ING4: variants seen among roughly 807,000 people sequenced by gnomAD.
ING4 encodes the protein inhibitor of growth protein 4.
Under a neutral mutation model 33.1 loss-of-function variants are expected in ING4, and 28 were observed. The observed-to-expected ratio is 0.85, with a 90% CI of 0.63 to 1.16. ING4 has a LOEUF of 1.16. ING4 is among the 50% of genes most tolerant of loss of function. The pLI is 0.00. For synonymous variants in ING4, 87 were observed against 104.4 expected (o/e 0.83, Z 1.02); for missense variants, 247 against 314.7 (o/e 0.78, Z 1.63).
At chr12:6,658,868 T>C (rs1592330034) in intron 1 of ING4, among the ~76,000 whole-genome samples, 1 of 152,232 alleles carries the variant, frequency 6.6e-6, no homozygotes, top group East Asian at 1.9e-4. Flanking sequence ...GCTTTGCCCA[T>C]ACTGGCCTCC....
At chr12:6,651,919 C>T (rs2136261575) in intron 6 of ING4, among the ~76,000 whole-genome samples, 1 of 142,804 alleles carries the variant, frequency 7.0e-6, no homozygotes, top group African/African-American at 2.6e-5. Flanking sequence ...GTGGCGTGAT[C>T]TCAGCTCACT....
At chr12:6,662,526 T>C (rs78166458) in intron 1 of ING4, among the ~76,000 whole-genome samples, 4 of 152,224 alleles carry the variant, frequency 2.6e-5, no homozygotes, top group Admixed American at 2.6e-4. Flanking sequence ...ATAGGCTTTC[T>C]GCAGGGGTGG....
chr12:6,652,246 C>G (rs375300631), intron 6 of ING4, 25 bp downstream of exon 6: 2 of 1,609,554 alleles, frequency 1.2e-6, no homozygotes, highest in South Asian at 2.2e-5. Context: ...CACAACCCCC[C>G]ATCCTAAGGC....
intron 2 of ING4, chr12:6,655,821 A>C (rs1431757828): frequency 4.4e-6 from 2 of 456,924 alleles, no homozygotes; most frequent in African/African-American, 4.0e-5. Context: ...GTATGGGAAT[A>C]GCTCCAACAG....
chr12:6,651,774 T>C (rs1949187346), intron 6 of ING4, among the ~76,000 whole-genome samples: 1 of 151,494 alleles, frequency 6.6e-6, no homozygotes, highest in Non-Finnish European at 1.5e-5. Flanking sequence ...ACTCCTGATC[T>C]CAAGTGATCT....
chr12:6,653,671 A>G (rs937102002), intron 2 of ING4, among the ~76,000 whole-genome samples: 1 of 152,168 alleles, frequency 6.6e-6, no homozygotes, highest in African/African-American at 2.4e-5. Context: ...CACCACATTA[A>G]TATGAAGTGT....
chr12:6,651,889 G>A (rs1301433289), intron 6 of ING4, among the ~76,000 whole-genome samples: 5 of 116,880 alleles, frequency 4.3e-5, no homozygotes, highest in East Asian at 2.5e-4. Context: ...TCTTGCTCTT[G>A]TCGCCCAGGT....
At chr12:6,653,855 C>A (rs1949263549) in intron 2 of ING4, among the ~76,000 whole-genome samples, 2 of 152,066 alleles carry the variant, frequency 1.3e-5, no homozygotes, top group Non-Finnish European at 1.5e-5. Context: ...TCATACATTT[C>A]AAAATTATTA....
chr12:6,655,700 G>T, intron 2 of ING4: 1 of 742,166 alleles, frequency 1.3e-6, no homozygotes, highest in Non-Finnish European at 1.9e-6. Context: ...ACCTTTTCAT[G>T]TGTAAACTCA....
At chr12:6,651,285 A>C (rs190241985) in intron 7 of ING4, 39 bp downstream of exon 7, 2 of 1,613,564 alleles carry the variant, frequency 1.2e-6, no homozygotes, top group Admixed American at 3.3e-5. Flanking sequence ...AATGCCCTTG[A>C]CCACTCAACT....
rs767207980 is a variant in ING4 at position 6,663,096 on chromosome 12, A to C, written c.6T>G (p.Ala2=). The change falls in exon 1 of 8, where the codon GCT becomes GCG. Residue 2 remains alanine (A), a synonymous_variant. Transcript: ENST00000341550. M[A]AGMYLEHYLD... ...GATAATGTTCCAAATACATCCCCGCAGCCATCTCGAAGCAAAACAAAGCAA... is the reference window on the plus strand; with the variant it reads ...GATAATGTTCCAAATACATCCCCGCCGCCATCTCGAAGCAAAACAAAGCAA... 1.9e-6 allele frequency: 3 copies of C among 1,614,142 alleles called. No homozygotes were observed. The highest frequency in any genetic ancestry group is 1.1e-5 in the South Asian group (1 of 91,076).
At chr12:6,658,359 C>T (rs1294449351) in intron 1 of ING4, among the ~76,000 whole-genome samples, 1 of 152,146 alleles carries the variant, frequency 6.6e-6, no homozygotes, top group East Asian at 1.9e-4. Flanking sequence ...TTCCAATCTA[C>T]TTCCATATAG....
chr12:6,658,796 G>A (rs527425427), intron 1 of ING4, among the ~76,000 whole-genome samples: 2 of 152,282 alleles, frequency 1.3e-5, no homozygotes, highest in South Asian at 4.1e-4. Flanking sequence ...GATGTTCTGC[G>A]CTTTCTGGCC....
intron 2 of ING4, among the ~76,000 whole-genome samples, chr12:6,654,297 C>T (rs1241321141): frequency 6.6e-6 from 1 of 151,606 alleles, no homozygotes; most frequent in African/African-American, 2.4e-5. Flanking sequence ...ATCCATGTAA[C>T]AATTCTGCTT....
chr12:6,663,032 CAG>C (rs1565408937), intron 1 of ING4, 31 bp downstream of exon 1: 1 of 1,610,218 alleles, frequency 6.2e-7, no homozygotes, highest in South Asian at 1.1e-5. Flanking sequence ...CACCACTCTG[CAG>C]CCCCGACCCC....
chr12:6,652,316 A>T lies in ING4; in HGVS notation c.600T>A (p.Cys200Ter). Residue 200 changes from cysteine (C) to a stop codon, truncating the protein, a stop_gained, in exon 6 of 8, where the codon TGT (cysteine) becomes TGA (stop). Coordinates refer to ENST00000341550, the MANE Select transcript of ING4 (RefSeq NM_016162.4). LOFTEE classifies it high-confidence loss of function. Reference sequence around the variant, plus strand: ...TCATCTCTCCATAGGAGACCTGGTGACAAAGGCAATAGGTGGGTTCGTTGG... The same window carrying T: ...TCATCTCTCCATAGGAGACCTGGTGTCAAAGGCAATAGGTGGGTTCGTTGG... ...VDPNEPTYCLCHQVSYGEMIG... is the reference protein window; with the variant it reads ...VDPNEPTYCL The T allele has an allele frequency of 6.2e-7, 1 of 1,614,174 alleles. No individual in the cohort carries two copies. Among genetic ancestry groups the T allele is most frequent in the Non-Finnish European group, 8.5e-7 (1 of 1,180,046 alleles).
At chr12:6,659,735 T>C (rs901986702) in intron 1 of ING4, among the ~76,000 whole-genome samples, 8 of 148,622 alleles carry the variant, frequency 5.4e-5, no homozygotes, top group Non-Finnish European at 1.0e-4. Context: ...GTGGCGTGCA[T>C]CCAGGAGGTG....
At chr12:6,654,944 C>G (rs1014758405) in intron 2 of ING4, among the ~76,000 whole-genome samples, 1 of 152,114 alleles carries the variant, frequency 6.6e-6, no homozygotes, top group Non-Finnish European at 1.5e-5. Flanking sequence ...AGGCTGGTCT[C>G]GAAGTTCTGA....
Position 6,653,067 on chromosome 12 carries a change from G to C in ING4, c.277-17C>G. 2 of 1,611,952 alleles carry C rather than the reference G, an allele frequency of 1.2e-6. No individual in the cohort carries two copies. Among genetic ancestry groups the C allele is most frequent in the Non-Finnish European group, 1.7e-6 (2 of 1,178,032 alleles). ...TTTGTCCACCTGGGTGGAAAGGAAGGAGAAAGGAGAGGTACAAAACTATCT... is the reference window on the plus strand; with the variant it reads ...TTTGTCCACCTGGGTGGAAAGGAAGCAGAAAGGAGAGGTACAAAACTATCT... On this transcript the variant is annotated splice_polypyrimidine_tract_variant and intron_variant, in intron 3 of 7. Coordinates refer to ENST00000341550, the MANE Select transcript of ING4 (RefSeq NM_016162.4).
Sources: gnomAD v4.1 joint callset for allele counts (sites outside exome capture counted in the v4.1 genomes callset) on GRCh38, gnomAD v4.1.1 for gene constraint, MANE v1.5 for transcripts, NCBI Gene and HGNC (gene_info 2026-07-23, HGNC 2026-07-21) for gene names.